The following PLA2G4E variants were observed in gnomAD, a reference collection of about 807,000 sequenced individuals.
PLA2G4E encodes the protein cytosolic phospholipase A2 epsilon.
In PLA2G4E, 84 loss-of-function variants were observed where a neutral mutation model predicts 109.1. The observed-to-expected ratio is 0.77, with a 90% CI of 0.65 to 0.92. PLA2G4E has a LOEUF of 0.92. Among genes scored for constraint, PLA2G4E ranks in the 40% least tolerant of loss-of-function variants. PLA2G4E has a pLI of 0.00. For missense variants in PLA2G4E, 1,057 were observed against 1,076.6 expected (o/e 0.98, Z 0.25); for synonymous variants, 469 against 436.1 (o/e 1.08, Z -0.94).
At chr15:41,988,867 G>A (rs998200337) in intron 15 of PLA2G4E, among the ~76,000 whole-genome samples, 1 of 152,196 alleles carries the variant, frequency 6.6e-6, no homozygotes, top group East Asian at 1.9e-4. Context: ...TAGACAGAAG[G>A]GGAAGGCACA....
At chr15:42,004,843 G>T in intron 5 of PLA2G4E, 95 bp downstream of exon 5, 1 of 1,329,500 alleles carries the variant, frequency 7.5e-7, no homozygotes, top group Non-Finnish European at 1.1e-6. Context: ...AGAGGGTGAG[G>T]CAGCAAAAAG....
At chr15:42,000,946 G>T (rs1337682589) in intron 7 of PLA2G4E, among the ~76,000 whole-genome samples, 1 of 152,208 alleles carries the variant, frequency 6.6e-6, no homozygotes, top group Non-Finnish European at 1.5e-5. Context: ...AAGGTTATGT[G>T]GGTGCTTGGG....
exon 17 of PLA2G4E, chr15:41,987,253 C>T (rs778757695): frequency 3.5e-5 from 57 of 1,613,836 alleles, no homozygotes; most frequent in Admixed American, 1.7e-4. Context: ...AACTCAGACA[C>T]GAAGGACCGA....
intron 8 of PLA2G4E, 40 bp downstream of exon 8, chr15:42,000,064 C>T (rs764600048): frequency 3.8e-6 from 6 of 1,573,758 alleles, no homozygotes; most frequent in Non-Finnish European, 5.2e-6. Context: ...CCCACCTGTC[C>T]CAGTCCCCCA....
chr15:41,988,209 A>G, intron 15 of PLA2G4E, 53 bp from the exon 16 acceptor site: 2 of 1,333,002 alleles, frequency 1.5e-6, no homozygotes, highest in Non-Finnish European at 2.1e-6. Context: ...CAGGCCCCAC[A>G]CTGACATTTG....
intron 4 of PLA2G4E, 47 bp from the exon 5 acceptor site, chr15:42,005,025 C>G (rs1393561115): frequency 6.2e-7 from 1 of 1,603,474 alleles, no homozygotes; most frequent in South Asian, 1.1e-5. Flanking sequence ...GTCTGCACAT[C>G]TCTGCTGACC....
chr15:42,001,683 A>G (rs781051093), intron 6 of PLA2G4E, among the ~76,000 whole-genome samples: 15 of 152,174 alleles, frequency 9.9e-5, no homozygotes, highest in Non-Finnish European at 2.1e-4. Context: ...AGCTGTACCA[A>G]CAGCCGAAAT....
Position 42,002,716 on chromosome 15 carries a change from C to T in PLA2G4E, c.567-20G>A. Reference sequence around the variant, plus strand: ...GAGGGACTGAAAAACAAAAGGAGAACTCCTGGTCAATTCTAGCATTCTTGA... The same window carrying T: ...GAGGGACTGAAAAACAAAAGGAGAATTCCTGGTCAATTCTAGCATTCTTGA... On this transcript the variant is annotated intron_variant, in intron 5 of 19. Coordinates refer to ENST00000399518, the Ensembl canonical transcript of PLA2G4E. 6.4e-7 allele frequency: 1 copy of T among 1,564,850 alleles called. No individual in the cohort carries two copies. Among genetic ancestry groups the T allele is most frequent in the Non-Finnish European group, 8.7e-7 (1 of 1,153,206 alleles).
At chr15:42,049,090 T>G in intron 1 of PLA2G4E, among the ~76,000 whole-genome samples, 1 of 151,634 alleles carries the variant, frequency 6.6e-6, no homozygotes, top group African/African-American at 2.4e-5. Flanking sequence ...GGAGGCAGAG[T>G]CAGGAAGAGG....
chr15:42,008,121 AC>A (rs976304374), intron 2 of PLA2G4E, among the ~76,000 whole-genome samples: 2 of 152,200 alleles, frequency 1.3e-5, no homozygotes, highest in African/African-American at 4.8e-5. Flanking sequence ...TATTAGAAGC[AC>A]CCTTGTCCCT....
At chr15:41,996,041 C>G (rs1401670419) in intron 11 of PLA2G4E, among the ~76,000 whole-genome samples, 1 of 152,014 alleles carries the variant, frequency 6.6e-6, no homozygotes, top group Non-Finnish European at 1.5e-5. Flanking sequence ...TTAAGAGGCC[C>G]CTGGAATGTT....
chr15:42,046,692 C>T (rs1224492336), intron 1 of PLA2G4E, among the ~76,000 whole-genome samples: 1 of 152,202 alleles, frequency 6.6e-6, no homozygotes, highest in Non-Finnish European at 1.5e-5. Context: ...AGTGCTCTCT[C>T]TCCCACTCCT....
chr15:41,988,878 GACA>G (rs1196265593), intron 15 of PLA2G4E, among the ~76,000 whole-genome samples: 1 of 152,206 alleles, frequency 6.6e-6, no homozygotes, highest in African/African-American at 2.4e-5. Context: ...GGAAGGCACA[GACA>G]ACTAATTTAA....
At chr15:42,006,085 C>T in exon 4 of PLA2G4E, 3 of 1,613,916 alleles carry the variant, frequency 1.9e-6, no homozygotes, top group South Asian at 2.2e-5. Context: ...TCTGGTGTCA[C>T]TGTGTCTTCA....
At chr15:42,028,384 CTTATTTATTTAT>C (rs59541409) in intron 1 of PLA2G4E, among the ~76,000 whole-genome samples, 2 of 25,728 alleles carry the variant, frequency 7.8e-5, no homozygotes, top group Admixed American at 2.8e-4. Context: ...TATTTATTTA[CTTATTTATTTAT>C]TTATTTATTT....
intron 1 of PLA2G4E, among the ~76,000 whole-genome samples, chr15:42,039,034 T>A (rs1889268798): frequency 6.6e-6 from 1 of 152,190 alleles, no homozygotes; most frequent in Non-Finnish European, 1.5e-5. Context: ...ATCGTGGGCA[T>A]CTTTTCAAGA....
At chr15:42,007,847 A>G in exon 3 of PLA2G4E, 1 of 1,606,004 alleles carries the variant, frequency 6.2e-7, no homozygotes, top group Non-Finnish European at 8.5e-7. Context: ...GAGGCTCACA[A>G]AACAGTCTGT....
In PLA2G4E at chr15:41,988,080, GTGGAAAA is replaced by G; in HGVS notation, c.1793_1799del (p.Phe598SerfsTer32). 1 of 1,607,568 alleles carries G rather than the reference GTGGAAAA, an allele frequency of 6.2e-7. No homozygotes were observed. ...CCTGCACTTTCTCCCTTGTCCACCTGTGGAAAAACTCCTCCGAGGTGTGTGACAGGTT... is the reference window on the plus strand; with the variant it reads ...CCTGCACTTTCTCCCTTGTCCACCTGACTCCTCCGAGGTGTGTGACAGGTT... On this transcript the variant is annotated frameshift_variant, in exon 16 of 20. Transcript: ENST00000399518. LOFTEE classifies it high-confidence loss of function.
chr15:42,011,238 G>A (rs2068532691), intron 2 of PLA2G4E, among the ~76,000 whole-genome samples: 1 of 152,270 alleles, frequency 6.6e-6, no homozygotes, highest in African/African-American at 2.4e-5. Flanking sequence ...GAGGCTTGTA[G>A]AGCCAGACTA....
Sources: allele counts gnomAD v4.1 joint callset (sites outside exome capture counted in the v4.1 genomes callset), GRCh38; gene constraint gnomAD v4.1.1; transcripts MANE v1.5; gene names NCBI Gene and HGNC (gene_info 2026-07-23, HGNC 2026-07-21).